The following ROBO2 variants were observed in gnomAD, a reference collection of about 807,000 sequenced individuals.
The protein encoded by ROBO2 is roundabout homolog 2.
A neutral mutation model predicts 160.8 loss-of-function variants in ROBO2; 53 were observed. That is an observed-to-expected ratio of 0.33 (90% CI 0.26 to 0.41). The LOEUF (loss-of-function observed/expected upper bound fraction) is 0.41. ROBO2 is among the 10% of genes least tolerant of loss of function. The probability of loss-of-function intolerance (pLI) is 1.00; values close to 1 mark genes in which losing one functional copy is unlikely to be tolerated. For missense variants in ROBO2, 1,577 were observed against 1,722.4 expected (o/e 0.92, Z 1.49); for synonymous variants, 664 against 611.7 (o/e 1.09, Z -1.26).
At chr3:76,042,528 A>G (rs2067304284) in intron 2 of ROBO2, among the ~76,000 whole-genome samples, 1 of 151,952 alleles carries the variant, frequency 6.6e-6, no homozygotes, top group Admixed American at 6.5e-5. Flanking sequence ...ATTTGTTGCA[A>G]TCTTATTTTT....
rs150315077 is a variant in ROBO2, at chr3:76,744,271, C to T, written c.110-353743C>T. On this transcript the variant is annotated intron_variant, in intron 2 of 26. Transcript: ENST00000487694. The stretch of plus-strand genomic sequence containing the variant: ...GTATCATCAGGGTAGGTTTCTTCTC[C>T]GCCTGTTACTTCTTCTTCTTCCCCT... Among the ~76,000 whole-genome samples the T allele has an allele frequency of 7.6e-3, 1,163 of 152,052 alleles. 13 individuals carry two copies. The highest frequency in any genetic ancestry group is 0.026 in the African/African-American group (1,099 of 41,496).
At chr3:76,657,754 G>A (rs28605149) in intron 2 of ROBO2, among the ~76,000 whole-genome samples, 3 of 143,936 alleles carry the variant, frequency 2.1e-5, no homozygotes, top group Non-Finnish European at 4.5e-5. Context: ...TCATATATAT[G>A]TATATATATA....
chr3:76,952,533 C>T (rs548156103), intron 2 of ROBO2, among the ~76,000 whole-genome samples: 264 of 152,144 alleles, frequency 1.7e-3, no homozygotes, highest in Middle Eastern at 3.4e-3. Context: ...CCGCCTGCCT[C>T]GGCCTCCCAA....
intron 21 of ROBO2, among the ~76,000 whole-genome samples, chr3:77,611,038 C>T (rs1420794823): frequency 1.3e-5 from 2 of 151,978 alleles, no homozygotes; most frequent in South Asian, 2.1e-4. Flanking sequence ...GTGGCTCACA[C>T]CTGTAATCTC....
intron 2 of ROBO2, among the ~76,000 whole-genome samples, chr3:76,009,952 A>G (rs1451148752): frequency 2.6e-5 from 4 of 152,040 alleles, no homozygotes; most frequent in Admixed American, 1.3e-4. Context: ...TTTTTTTCTA[A>G]TCAGTGATTC....
At chr3:77,185,436 C>T (rs893030571) in intron 2 of ROBO2, among the ~76,000 whole-genome samples, 16 of 151,852 alleles carry the variant, frequency 1.1e-4, no homozygotes, top group African/African-American at 3.9e-4. Flanking sequence ...ATAGAAGGTA[C>T]ATCAAAACGT....
chr3:76,657,468 A>G (rs940941425), intron 2 of ROBO2, among the ~76,000 whole-genome samples: 14 of 144,558 alleles, frequency 9.7e-5, no homozygotes, highest in Non-Finnish European at 1.7e-4. Flanking sequence ...AAAATTGGCC[A>G]GCTGCGGTGG....
intron 2 of ROBO2, among the ~76,000 whole-genome samples, chr3:76,220,274 A>C (rs560129676): frequency 1.3e-5 from 2 of 151,970 alleles, no homozygotes; most frequent in African/African-American, 4.8e-5. Context: ...ACATGTATAC[A>C]TATGTAACAA....
chr3:77,284,284 G>A (rs2060437569), intron 2 of ROBO2, among the ~76,000 whole-genome samples: 1 of 152,118 alleles, frequency 6.6e-6, no homozygotes, highest in Non-Finnish European at 1.5e-5. Context: ...ACCCTGATGT[G>A]CTAGCACATG....
chr3:76,748,676 G>A lies in ROBO2; in HGVS notation c.110-349338G>A, dbSNP rs537880040. Reference sequence around the variant, plus strand: ...ATTTTTCACTTATCTAATTGGTGGTGTGTTTTTAGGTAAATCACCCAGCGT... The same window carrying A: ...ATTTTTCACTTATCTAATTGGTGGTATGTTTTTAGGTAAATCACCCAGCGT... On this transcript the variant is annotated intron_variant, in intron 2 of 26. Transcript: ENST00000487694. Among the ~76,000 whole-genome samples, 161 of 151,928 alleles carry A rather than the reference G, an allele frequency of 1.1e-3. 1 individual carries two copies. Among genetic ancestry groups the A allele is most frequent in the African/African-American group, 3.6e-3 (150 of 41,522 alleles).
At chr3:77,327,447 C>T (rs1191406094) in intron 2 of ROBO2, among the ~76,000 whole-genome samples, 1 of 152,102 alleles carries the variant, frequency 6.6e-6, no homozygotes, top group African/African-American at 2.4e-5. Flanking sequence ...AGATTTTCTT[C>T]ATTTTCCTAT....
At chr3:76,104,677 A>T (rs1290637674) in intron 2 of ROBO2, among the ~76,000 whole-genome samples, 1 of 152,188 alleles carries the variant, frequency 6.6e-6, no homozygotes, top group Non-Finnish European at 1.5e-5. Flanking sequence ...ACACTATCAC[A>T]CATTTTCAGT....
intron 2 of ROBO2, among the ~76,000 whole-genome samples, chr3:76,627,637 C>T (rs1256848982): frequency 6.6e-6 from 1 of 151,534 alleles, no homozygotes; most frequent in African/African-American, 2.4e-5. Flanking sequence ...GCTTCAATTT[C>T]TTTGAAAGTC....
chr3:76,742,973 A>G (rs1214463728), intron 2 of ROBO2, among the ~76,000 whole-genome samples: 1 of 152,144 alleles, frequency 6.6e-6, no homozygotes. Context: ...AAATTACTAT[A>G]TACTTTCAAT....
At chr3:76,561,417 G>A (rs2084179488) in intron 2 of ROBO2, among the ~76,000 whole-genome samples, 1 of 152,056 alleles carries the variant, frequency 6.6e-6, no homozygotes, top group Non-Finnish European at 1.5e-5. Context: ...CAGGAAATAT[G>A]TCATATCAAC....
intron 2 of ROBO2, among the ~76,000 whole-genome samples, chr3:77,452,374 C>A (rs576509005): frequency 1.3e-5 from 2 of 152,044 alleles, no homozygotes; most frequent in Admixed American, 1.3e-4. Flanking sequence ...CTTTTTCTCC[C>A]GCTCTCTCCT....
At chr3:77,158,053 A>G (rs921760247) in intron 2 of ROBO2, among the ~76,000 whole-genome samples, 1 of 152,172 alleles carries the variant, frequency 6.6e-6, no homozygotes, top group Non-Finnish European at 1.5e-5. Context: ...CAAGTTGTCT[A>G]GTCCCTAAAC....
intron 2 of ROBO2, among the ~76,000 whole-genome samples, chr3:77,323,883 G>A (rs1444371735): frequency 6.6e-6 from 1 of 152,024 alleles, no homozygotes; most frequent in Non-Finnish European, 1.5e-5. Flanking sequence ...AAATATTTTT[G>A]TTCAACCAAA....
intron 2 of ROBO2, among the ~76,000 whole-genome samples, chr3:76,196,608 A>G (rs1264584734): frequency 6.6e-6 from 1 of 152,204 alleles, no homozygotes; most frequent in Admixed American, 6.5e-5. Flanking sequence ...GAGGTAAACT[A>G]TAATTCGCTT....
Sources: gnomAD v4.1 joint callset for allele counts (sites outside exome capture counted in the v4.1 genomes callset) on GRCh38, gnomAD v4.1.1 for gene constraint, MANE v1.5 for transcripts, NCBI Gene and HGNC (gene_info 2026-07-23, HGNC 2026-07-21) for gene names.